SLC22A3: variants seen among roughly 807,000 people sequenced by gnomAD.
SLC22A3 encodes EMT organic cation transporter 3.
SLC22A3 carries 51 observed loss-of-function variants against 59.1 expected under a neutral mutation model. The ratio of observed to expected loss-of-function variants is 0.86; its 90% CI spans 0.69 to 1.09. The LOEUF is 1.09. Ranked by LOEUF, SLC22A3 falls within the 50% of genes least tolerant of loss-of-function variation. SLC22A3 has a pLI of 0.00. For missense variants in SLC22A3, 711 were observed against 726.3 expected (o/e 0.98, Z 0.24); for synonymous variants, 325 against 292.0 (o/e 1.11, Z -1.15).
Position 160,348,700 on chromosome 6 carries a change from T to C in SLC22A3, c.281T>C (p.Leu94Pro). The change falls in exon 1 of 11, where the codon CTC becomes CCC. Residue 94 changes from leucine to proline, a missense_variant. Leu to Pro is a moderately conservative substitution (Grantham distance 98). Coordinates refer to ENST00000275300, the MANE Select transcript of SLC22A3 (RefSeq NM_021977.4). ...PERRGRCQRY[L>P]LEAANDSASA... ...CGCCGCGGCCGCTGCCAGCGCTACC[T>C]CCTGGAGGCGGCCAACGACAGCGCC... 6.6e-7 allele frequency: 1 copy of C among 1,520,492 alleles called. No individual in the cohort carries two copies. The allele number at this position is 1,520,492 out of a possible 1,614,324, so 94.2% of individuals were successfully genotyped here. A position where few individuals can be genotyped will look rare whatever the true frequency, so the allele number is the denominator to read the frequency against.
rs928477672 is a variant in SLC22A3, at chr6:160,415,145, G to A, written c.975+4299G>A. ...TGTACAGCGTAAGCAGAAAAGCAAA[G>A]TGTTATCTTCAAGAGAAGGATTTAA... is the stretch of plus-strand genomic sequence containing the variant. On this transcript the variant is annotated intron_variant, in intron 5 of 10. Coordinates refer to ENST00000275300, the MANE Select transcript of SLC22A3 (RefSeq NM_021977.4). The surrounding 1 kb of genome is among the most constrained non-coding windows in gnomAD (Gnocchi z 4.1). Among the ~76,000 whole-genome samples the A allele has an allele frequency of 3.9e-5, 6 of 152,176 alleles. No individual in the cohort carries two copies. The highest frequency in any genetic ancestry group is 9.6e-5 in the African/African-American group (4 of 41,458).
chr6:160,363,793 C>G (rs1347776569), intron 1 of SLC22A3, among the ~76,000 whole-genome samples: 1 of 152,238 alleles, frequency 6.6e-6, no homozygotes, highest in African/African-American at 2.4e-5. Flanking sequence ...AGCACAGGGG[C>G]TGCCTTCAAG....
intron 5 of SLC22A3, among the ~76,000 whole-genome samples, chr6:160,421,842 T>C: frequency 6.6e-6 from 1 of 152,194 alleles, no homozygotes; most frequent in East Asian, 1.9e-4. Context: ...ACTCTATCAG[T>C]GTGAGGGAAG....
Position 160,408,962 on chromosome 6 carries a change from G to A in SLC22A3, c.857+41G>A, listed in dbSNP as rs1485006488. 4 of 1,555,328 alleles carry A rather than the reference G, an allele frequency of 2.6e-6. No individual in the cohort carries two copies. The East Asian group carries it at 9.0e-5, about 35-fold the overall frequency. On this transcript the variant is annotated intron_variant, in intron 4 of 10. Coordinates refer to ENST00000275300, the MANE Select transcript of SLC22A3 (RefSeq NM_021977.4). ...TTATCATCATATTTATACTGATTCTGCAGAAATTAGACTCCAAACAGACAT... is the reference window on the plus strand; with the variant it reads ...TTATCATCATATTTATACTGATTCTACAGAAATTAGACTCCAAACAGACAT...
intron 2 of SLC22A3, among the ~76,000 whole-genome samples, chr6:160,404,207 A>C (rs910981122): frequency 2.0e-5 from 3 of 152,136 alleles, no homozygotes; most frequent in African/African-American, 2.4e-5. Context: ...AACCAAAAAA[A>C]AAAACTCCTG....
chr6:160,391,086 G>A lies in SLC22A3; in HGVS notation c.430-6893G>A, dbSNP rs191584456. Among the ~76,000 whole-genome samples, 714 of 152,140 alleles carry A rather than the reference G, an allele frequency of 4.7e-3. 3 individuals are homozygous for A. Among genetic ancestry groups the A allele is most frequent in the African/African-American group, 0.016 (678 of 41,470 alleles). ...GATACCTGTCATTGGACTAGGGCCC[G>A]CTCTGATACAGCATGATTTCATCTT... On this transcript the variant is annotated intron_variant, in intron 1 of 10. Coordinates refer to ENST00000275300, the MANE Select transcript of SLC22A3 (RefSeq NM_021977.4).
chr6:160,366,136 A>C (rs1193147920), intron 1 of SLC22A3, among the ~76,000 whole-genome samples: 1 of 152,122 alleles, frequency 6.6e-6, no homozygotes, highest in Non-Finnish European at 1.5e-5. Context: ...CCCATCTCAA[A>C]ACACAATCAT....
intron 1 of SLC22A3, among the ~76,000 whole-genome samples, chr6:160,394,567 G>A (rs1182486681): frequency 1.3e-5 from 2 of 152,204 alleles, no homozygotes; most frequent in African/African-American, 4.8e-5. Context: ...AAGCGTGTGT[G>A]GATGTGTGTG....
chr6:160,448,012 A>T (rs2114932252), intron 10 of SLC22A3, among the ~76,000 whole-genome samples, 194 bp downstream of exon 10: 1 of 152,330 alleles, frequency 6.6e-6, no homozygotes, highest in East Asian at 1.9e-4. Context: ...AGATAAGAGT[A>T]TGCATTGTTT....
chr6:160,402,197 T>C (rs1290982813), intron 2 of SLC22A3, among the ~76,000 whole-genome samples: 2 of 151,936 alleles, frequency 1.3e-5, no homozygotes, highest in Non-Finnish European at 2.9e-5. Flanking sequence ...TGGAGAAAAC[T>C]ATACCATGAT....
chr6:160,396,292 CTA>C (rs1786467193), intron 1 of SLC22A3, among the ~76,000 whole-genome samples: 1 of 152,128 alleles, frequency 6.6e-6, no homozygotes, highest in African/African-American at 2.4e-5. Context: ...TAATGTAAGA[CTA>C]ATTATAAGTA....
chr6:160,352,850 C>T (rs961162048), intron 1 of SLC22A3, among the ~76,000 whole-genome samples: 1 of 152,170 alleles, frequency 6.6e-6, no homozygotes. Flanking sequence ...TTGACAAAGT[C>T]TCGCTATGTC....
At chr6:160,375,546 C>G (rs2114782983) in intron 1 of SLC22A3, among the ~76,000 whole-genome samples, 1 of 152,056 alleles carries the variant, frequency 6.6e-6, no homozygotes, top group East Asian at 1.9e-4. Context: ...AAGATACCAA[C>G]TTTTTTATAC....
At chr6:160,448,408 T>C (rs1562506719) in intron 10 of SLC22A3, among the ~76,000 whole-genome samples, 2 of 152,158 alleles carry the variant, frequency 1.3e-5, no homozygotes, top group East Asian at 3.9e-4. Flanking sequence ...TAATCATAGA[T>C]AGATAAGTGA....
At chr6:160,442,036 T>C (rs768510610) in intron 7 of SLC22A3, among the ~76,000 whole-genome samples, 2 of 152,214 alleles carry the variant, frequency 1.3e-5, no homozygotes, top group Non-Finnish European at 2.9e-5. Context: ...CATTTCCCAC[T>C]AGTTAGTAGG....
At chr6:160,450,897 A>G in intron 10 of SLC22A3, 99 bp from the exon 11 acceptor site, 3 of 1,125,806 alleles carry the variant, frequency 2.7e-6, no homozygotes, top group Non-Finnish European at 3.9e-6. Context: ...TCATGAATGT[A>G]TTTGATCAAA....
rs189821701 is a variant in SLC22A3 at position 160,441,777 on chromosome 6, C to T, written c.1289-984C>T. ...GGAGGACTATTTAGTGCTAAATGAA[C>T]ATATGTGTTGGATATAAAGGGAAAA... On this transcript the variant is annotated intron_variant, in intron 7 of 10. Transcript: ENST00000275300. Among the ~76,000 whole-genome samples, 363 of 152,168 alleles carry T rather than the reference C, an allele frequency of 2.4e-3. 2 individuals carry two copies. The highest frequency in any genetic ancestry group is 4.2e-3 in the Non-Finnish European group (286 of 68,004).
intron 5 of SLC22A3, among the ~76,000 whole-genome samples, chr6:160,423,557 G>T (rs765725590): frequency 1.4e-4 from 22 of 152,130 alleles, no homozygotes; most frequent in Non-Finnish European, 2.6e-4. Flanking sequence ...TCTCATTATG[G>T]TTTTGATTTT....
chr6:160,382,795 TA>T (rs1244453263), intron 1 of SLC22A3, among the ~76,000 whole-genome samples: 1 of 151,990 alleles, frequency 6.6e-6, no homozygotes, highest in African/African-American at 2.4e-5. Flanking sequence ...TTAAAAGAAT[TA>T]AAGGAAAAAT....
Sources: allele counts gnomAD v4.1 joint callset (sites outside exome capture counted in the v4.1 genomes callset), GRCh38; gene constraint gnomAD v4.1.1; non-coding constraint Gnocchi (gnomAD v3.1); transcripts MANE v1.5; gene names NCBI Gene and HGNC (gene_info 2026-07-23, HGNC 2026-07-21).